The following MICAL3 variants were observed in gnomAD, a reference collection of about 807,000 sequenced individuals.
MICAL3 encodes microtubule associated monooxygenase, calponin and LIM domain containing 3.
A neutral mutation model predicts 207.4 loss-of-function variants in MICAL3; 62 were observed. That is an observed-to-expected ratio of 0.30 (90% CI 0.24 to 0.37). The LOEUF (loss-of-function observed/expected upper bound fraction) is 0.37, where lower values mean the gene tolerates loss of function less well. Ranked by LOEUF, MICAL3 falls within the 10% of genes least tolerant of loss-of-function variation. The probability of loss-of-function intolerance (pLI) is 1.00; values close to 1 mark genes in which losing one functional copy is unlikely to be tolerated. For missense variants in MICAL3, 2,368 were observed against 2,635.6 expected, an observed-to-expected ratio of 0.90 and a Z score of 2.22; for synonymous variants, 1,077 against 1,069.3, an observed-to-expected ratio of 1.01 and a Z score of -0.14.
chr22:17,945,562 G>A (rs1248960796), intron 1 of MICAL3, among the ~76,000 whole-genome samples: 1 of 152,210 alleles, frequency 6.6e-6, no homozygotes, highest in Non-Finnish European at 1.5e-5. Context: ...GGATTCACAT[G>A]AGGACCTGGG....
At chr22:17,982,948 G>C (rs1261241937) in intron 1 of MICAL3, among the ~76,000 whole-genome samples, 1 of 152,106 alleles carries the variant, frequency 6.6e-6, no homozygotes, top group Non-Finnish European at 1.5e-5. Flanking sequence ...TGTGAGCTCG[G>C]CTCCTCATCT....
At chr22:17,905,501 T>C (rs1205561999) in intron 2 of MICAL3, among the ~76,000 whole-genome samples, 1 of 152,206 alleles carries the variant, frequency 6.6e-6, no homozygotes, top group Non-Finnish European at 1.5e-5. Context: ...TGCTTTTGGC[T>C]TTGTTTTTGT....
chr22:17,886,241 T>C lies in MICAL3; in HGVS notation c.2068-190A>G, dbSNP rs537501885. ...GTATAAAGAGTACTGGGACCTGTGC[T>C]GGTACTGCCACATTCCAGGAAGCCA... On this transcript the variant is annotated intron_variant, in intron 15 of 31. Transcript: ENST00000441493. Among the ~76,000 whole-genome samples the C allele has an allele frequency of 1.6e-3, 249 of 152,328 alleles. 1 individual carries two copies. The highest frequency in any genetic ancestry group is 5.5e-3 in the African/African-American group (227 of 41,568).
At chr22:17,941,922 CACAGGCAGCGGA>C (rs1195159254) in intron 1 of MICAL3, among the ~76,000 whole-genome samples, 4 of 152,184 alleles carry the variant, frequency 2.6e-5, no homozygotes, top group Non-Finnish European at 5.9e-5. Context: ...GGGGCTGCAG[CACAGGCAGCGGA>C]ACAGGCAGAG....
chr22:17,809,600 C>T (rs555179075), intron 28 of MICAL3, among the ~76,000 whole-genome samples: 15 of 152,332 alleles, frequency 9.8e-5, no homozygotes, highest in Admixed American at 8.5e-4. Context: ...ACTGCGCGTC[C>T]AGCCTGGCCA....
At chr22:17,834,816 A>G (rs1923190255) in intron 20 of MICAL3, among the ~76,000 whole-genome samples, 1 of 152,212 alleles carries the variant, frequency 6.6e-6, no homozygotes, top group Non-Finnish European at 1.5e-5. Flanking sequence ...CTTTCTTATT[A>G]ATGAACAACA....
rs544619158 is a variant in MICAL3, at chr22:17,891,773, G to T, written c.1547-141C>A. ...CAGTCAACACTAGTTTCCATGCAAA[G>T]AAAACAGTGAGGAACAAGGTTATGC... On this transcript the variant is annotated intron_variant, in intron 11 of 31. Transcript: ENST00000441493. The T allele has an allele frequency of 5.3e-5, 38 of 719,490 alleles. No homozygotes were observed. In the South Asian group the frequency reaches 7.1e-4, roughly 13 times the overall value. 44.6% of individuals were successfully genotyped at this position (719,490 alleles called of 1,614,324 possible).
rs138522596 is a variant in MICAL3 at position 17,970,575 on chromosome 22, T to G, written c.-75+53706A>C. 1.8e-3 allele frequency among the ~76,000 whole-genome samples: 276 copies of G among 152,342 alleles called. 1 individual carries two copies. The highest frequency in any genetic ancestry group is 2.4e-3 in the Non-Finnish European group (163 of 68,038). On this transcript the variant is annotated intron_variant, in intron 1 of 31. Coordinates refer to ENST00000441493, the MANE Select transcript of MICAL3 (RefSeq NM_015241.3). ...GTCAGGTTTCAGCACTAATATCATG[T>G]ATACATTTTAAAAAATCCAAAATCA...
chr22:17,886,150 G>T, intron 15 of MICAL3, 99 bp from the exon 16 acceptor site: 1 of 1,312,584 alleles, frequency 7.6e-7, no homozygotes, highest in African/African-American at 1.4e-5. Flanking sequence ...CATGGGGGCT[G>T]GTGGACTGGC....
At chr22:17,827,569 G>C in intron 22 of MICAL3, 75 bp downstream of exon 22, 1 of 1,462,950 alleles carries the variant, frequency 6.8e-7, no homozygotes. Context: ...CTGACAGAAA[G>C]GCCCCCTGTG....
intron 1 of MICAL3, among the ~76,000 whole-genome samples, chr22:17,944,251 T>C (rs1231566848): frequency 1.3e-5 from 2 of 152,200 alleles, no homozygotes; most frequent in Non-Finnish European, 2.9e-5. Flanking sequence ...CTAGAGGTTC[T>C]CGGGACTTCA....
intron 27 of MICAL3, among the ~76,000 whole-genome samples, chr22:17,815,867 C>T (rs78457720): frequency 0.018 from 2,762 of 152,366 alleles, 84 homozygotes; most frequent in African/African-American, 0.064. Context: ...CCCGCCCTGA[C>T]TGGGCTATTG....
rs770496892 is a variant in MICAL3 at position 17,885,924 on chromosome 22, T to C, written c.2195A>G (p.Lys732Arg). 13 of 1,613,876 alleles carry C rather than the reference T, an allele frequency of 8.1e-6. No homozygotes were observed. The highest frequency in any genetic ancestry group is 8.0e-5 in the African/African-American group (6 of 74,924). ...VKYMATQLLAKFEENAPAQSI... is the reference protein window; with the variant it reads ...VKYMATQLLARFEENAPAQSI... ...CTGTGCGGGCGCATTCTCTTCAAAT[T>C]TGGCCAGCAGCTGGGTCGCCATGTA... The change falls in exon 16 of 32, where the codon AAA becomes AGA. Residue 732 changes from lysine to arginine, a missense_variant. By Grantham distance (26) the Lys-to-Arg change is conservative. Around this residue, in one of 4 missense-constraint regions of MICAL3, gnomAD observed 1,770 missense variants for 1,863.2 expected, o/e 0.95. Transcript: ENST00000441493.
intron 1 of MICAL3, among the ~76,000 whole-genome samples, chr22:18,013,103 G>A (rs182373410): frequency 8.7e-4 from 133 of 152,280 alleles, no homozygotes; most frequent in Admixed American, 1.4e-3. Context: ...GCAGGGAGCC[G>A]CAGAACTGAA....
At chr22:17,882,331 ATCACTG>A (rs1569113733) in intron 16 of MICAL3, among the ~76,000 whole-genome samples, 1 of 152,182 alleles carries the variant, frequency 6.6e-6, no homozygotes, top group Non-Finnish European at 1.5e-5. Flanking sequence ...CAACTCAGCT[ATCACTG>A]TCCTACCAGG....
chr22:17,807,270 G>A (rs939811909), intron 29 of MICAL3, among the ~76,000 whole-genome samples: 2 of 152,234 alleles, frequency 1.3e-5, no homozygotes, highest in African/African-American at 2.4e-5. Flanking sequence ...GGGCACAGGT[G>A]GGCTGGGGCC....
chr22:17,952,469 C>T (rs1033862123), intron 1 of MICAL3, among the ~76,000 whole-genome samples: 1 of 152,192 alleles, frequency 6.6e-6, no homozygotes, highest in African/African-American at 2.4e-5. Flanking sequence ...GGAGGCCGAA[C>T]TAAGTCAACC....
At chr22:17,933,801 C>T (rs1933386084) in intron 1 of MICAL3, among the ~76,000 whole-genome samples, 1 of 152,088 alleles carries the variant, frequency 6.6e-6, no homozygotes, top group South Asian at 2.1e-4. Flanking sequence ...ATATCACCAC[C>T]GATCCCACGG....
chr22:17,831,828 G>C lies in MICAL3; in HGVS notation c.3055+26C>G, dbSNP rs1389586427. 8 of 1,546,228 alleles carry C rather than the reference G, an allele frequency of 5.2e-6. No homozygotes were observed. In the East Asian group the frequency reaches 1.7e-4, roughly 33 times the overall value. ...AGATCACTTTGGGGGGCAGGGCAGA[G>C]TTCGGAGCAGAGATTTTGTTCTGAC... On this transcript the variant is annotated intron_variant, in intron 21 of 31. Coordinates refer to ENST00000441493, the MANE Select transcript of MICAL3 (RefSeq NM_015241.3).
Sources: allele counts gnomAD v4.1 joint callset (sites outside exome capture counted in the v4.1 genomes callset), GRCh38; gene constraint gnomAD v4.1.1; regional missense constraint gnomAD v4.1.1; transcripts MANE v1.5; gene names NCBI Gene and HGNC (gene_info 2026-07-23, HGNC 2026-07-21).